The following SEMA4B variants were observed in gnomAD, a reference collection of about 807,000 sequenced individuals.
The protein encoded by SEMA4B is semaphorin-4B.
In SEMA4B, 55 loss-of-function variants were observed where a neutral mutation model predicts 88.1. The ratio of observed to expected loss-of-function variants is 0.62; its 90% confidence interval spans 0.50 to 0.78. The LOEUF is 0.78. Ranked by LOEUF, SEMA4B falls within the 30% of genes least tolerant of loss-of-function variation. SEMA4B has a pLI of 0.00. For synonymous variants in SEMA4B, 525 were observed against 473.6 expected, an observed-to-expected ratio of 1.11 and a Z score of -1.41; for missense variants, 1,062 against 1,111.9, an observed-to-expected ratio of 0.96 and a Z score of 0.64.
At chr15:90,199,107 C>G (rs542086033), upstream of SEMA4B, among the ~76,000 whole-genome samples, 1 of 152,204 alleles carries the variant, frequency 6.6e-6, no homozygotes, top group African/African-American at 2.4e-5. Flanking sequence ...CTCCTGACCT[C>G]AAGTGATCTG....
chr15:90,194,975 A>C (rs1301605994), intron 1 of SEMA4B, among the ~76,000 whole-genome samples: 3 of 152,198 alleles, frequency 2.0e-5, no homozygotes, highest in African/African-American at 7.2e-5. Flanking sequence ...ATCATAGCTA[A>C]AAAAATGAAG....
chr15:90,187,570 T>C (rs1960202038), intron 1 of SEMA4B, among the ~76,000 whole-genome samples: 1 of 152,054 alleles, frequency 6.6e-6, no homozygotes, highest in South Asian at 2.1e-4. Context: ...CTGAGCAGAG[T>C]GCAGAGGGAA....
At position 90,225,748 on chromosome 15, in the gene SEMA4B, C is replaced by T; in HGVS notation, c.1609C>T (p.Leu537Phe). ...SLYRSCGDCL[L>F]ARDPYCAWSG... is the part of the protein sequence containing the mutation. Reference sequence around the variant, plus strand: ...GTACAGGAGCTGTGGGGACTGCCTCCTCGCCCGGGACCCCTACTGTGCTTG... The same window carrying T: ...GTACAGGAGCTGTGGGGACTGCCTCTTCGCCCGGGACCCCTACTGTGCTTG... The change falls in exon 12 of 14, where the codon CTC becomes TTC. Residue 537 changes from leucine to phenylalanine, a missense_variant. Leu to Phe is a conservative substitution (Grantham distance 22, BLOSUM62 0). Coordinates refer to ENST00000411539, the MANE Select transcript of SEMA4B (RefSeq NM_198925.4). 6.3e-7 allele frequency: 1 copy of T among 1,576,750 alleles called. No homozygotes were observed. The highest frequency in any genetic ancestry group is 8.6e-7 in the Non-Finnish European group (1 of 1,162,750).
rs1050662516 is a variant in SEMA4B at position 90,212,986 on chromosome 15, G to A, written c.158-4453G>A. Among the ~76,000 whole-genome samples, 1 of 152,192 alleles carries A rather than the reference G, an allele frequency of 6.6e-6. No homozygotes were observed. The highest frequency in any genetic ancestry group is 2.4e-5 in the African/African-American group (1 of 41,446). On this transcript the variant is annotated intron_variant, in intron 1 of 13. Coordinates refer to ENST00000411539, the MANE Select transcript of SEMA4B (RefSeq NM_198925.4). This position sits in a 1 kb window ranked among gnomAD's most constrained non-coding sequence, Gnocchi z 4.0. The stretch of plus-strand genomic sequence containing the variant: ...AGCTCTCACCGGGCCGGATTTTCCT[G>A]CGGGGCTTTTGGATTTTGTTTTTGA...
chr15:90,208,771 G>A (rs1332473667), intron 1 of SEMA4B, among the ~76,000 whole-genome samples: 1 of 147,766 alleles, frequency 6.8e-6, no homozygotes, highest in Non-Finnish European at 1.5e-5. Flanking sequence ...TTTTGAGATG[G>A]GGTCTCACTC....
At chr15:90,187,894 A>C (rs551172527) in intron 1 of SEMA4B, among the ~76,000 whole-genome samples, 6 of 151,898 alleles carry the variant, frequency 4.0e-5, no homozygotes, top group African/African-American at 1.4e-4. Context: ...AATCCCAGCT[A>C]CTCAGGAGGC....
intron 3 of SEMA4B, among the ~76,000 whole-genome samples, chr15:90,218,449 G>A (rs796283460): frequency 1.1e-4 from 16 of 152,338 alleles, no homozygotes; most frequent in African/African-American, 3.8e-4. Flanking sequence ...CATTGATGAA[G>A]CATGCACTCT....
rs757799983 is a variant in SEMA4B at position 90,225,189 on chromosome 15, G to A, written c.1405+11G>A. On this transcript the variant is annotated intron_variant, in intron 10 of 13. Transcript: ENST00000411539. Reference sequence around the variant, plus strand: ...TCTTCCTGGGCACTGGTAAGTGTCTGCAGCCCAGCAGGCTCAGGGGAAGGG... The same window carrying A: ...TCTTCCTGGGCACTGGTAAGTGTCTACAGCCCAGCAGGCTCAGGGGAAGGG... The A allele has an allele frequency of 8.9e-6, 14 of 1,581,620 alleles. No individual in the cohort carries two copies. In the South Asian group the frequency reaches 1.1e-4, roughly 13 times the overall value.
rs958172366 is a variant in SEMA4B at position 90,214,231 on chromosome 15, C to A, written c.158-3208C>A. Among the ~76,000 whole-genome samples, 8 of 151,652 alleles carry A rather than the reference C, an allele frequency of 5.3e-5. 1 individual carries two copies. The highest frequency in any genetic ancestry group is 1.3e-4 in the Admixed American group (2 of 15,220). The stretch of plus-strand genomic sequence containing the variant: ...TGGTGGCAGGCACCTGTAATCCCAG[C>A]TTCTTGGGAGGCTGAGGCAGGAGAA... On this transcript the variant is annotated intron_variant, in intron 1 of 13. Coordinates refer to ENST00000411539, the MANE Select transcript of SEMA4B (RefSeq NM_198925.4).
intron 1 of SEMA4B, among the ~76,000 whole-genome samples, chr15:90,187,876 A>G (rs747696645): frequency 1.1e-4 from 16 of 151,986 alleles, no homozygotes; most frequent in Non-Finnish European, 2.2e-4. Flanking sequence ...ATGGTGGTGC[A>G]TGCCTGTAAT....
At chr15:90,196,411 G>A (rs939176952), upstream of SEMA4B, among the ~76,000 whole-genome samples, 9 of 152,030 alleles carry the variant, frequency 5.9e-5, no homozygotes, top group South Asian at 2.1e-4. Context: ...ATATAGTTTC[G>A]TAACAATCTT....
At chr15:90,220,729 G>A (rs13380179) in intron 4 of SEMA4B, among the ~76,000 whole-genome samples, 24,996 of 151,974 alleles carry the variant, frequency 0.16, 2,858 homozygotes, top group East Asian at 0.63. Context: ...AATGTGTCCC[G>A]CGTCGGGTCA....
chr15:90,196,567 A>G (rs1022531418), upstream of SEMA4B, among the ~76,000 whole-genome samples: 3 of 151,912 alleles, frequency 2.0e-5, no homozygotes, highest in Non-Finnish European at 4.4e-5. Flanking sequence ...GATCACTGCA[A>G]CCTCCGCCTC....
At chr15:90,198,209 G>A (rs535786138), upstream of SEMA4B, among the ~76,000 whole-genome samples, 2 of 152,150 alleles carry the variant, frequency 1.3e-5, no homozygotes, top group African/African-American at 2.4e-5. Context: ...GAGCCACCGC[G>A]CCTGGCTGGT....
At chr15:90,185,132 C>A in intron 1 of SEMA4B, 1 of 931,362 alleles carries the variant, frequency 1.1e-6, no homozygotes, top group Non-Finnish European at 1.3e-6. Flanking sequence ...CGGGAGGTGG[C>A]GGACCAGGCG....
intron 3 of SEMA4B, 72 bp from the exon 4 acceptor site, chr15:90,219,721 G>T (rs1330892015): frequency 9.1e-6 from 11 of 1,207,654 alleles, no homozygotes; most frequent in South Asian, 5.4e-5. Context: ...GGTGTGGAAG[G>T]GGGGGCTCGG....
rs200458808 is a variant in SEMA4B at position 90,228,160 on chromosome 15, C to T, written c.2031C>T (p.Asp677=). 5.1e-5 allele frequency: 82 copies of T among 1,610,370 alleles called. No homozygotes were observed. Among genetic ancestry groups the T allele is most frequent in the African/African-American group, 2.4e-4 (18 of 74,974 alleles). Reference sequence around the variant, plus strand: ...GCTACTGCCCAGAGGTGGTGGAGGACGGGGTGGCAGACCAAACAGATGAGG... The same window carrying T: ...GCTACTGCCCAGAGGTGGTGGAGGATGGGGTGGCAGACCAAACAGATGAGG... ...VASYCPEVVE[D]GVADQTDEGG... Residue 677 remains aspartate (D), a synonymous_variant, in exon 14 of 14, where the codon GAC becomes GAT. Coordinates refer to ENST00000411539, the MANE Select transcript of SEMA4B (RefSeq NM_198925.4).
chr15:90,220,674 C>T (rs1961778268), intron 4 of SEMA4B, among the ~76,000 whole-genome samples: 2 of 152,070 alleles, frequency 1.3e-5, no homozygotes, highest in Admixed American at 1.3e-4. Context: ...CGGCCAGGCT[C>T]ACATCATTTT....
At chr15:90,201,818 A>G in intron 1 of SEMA4B, 83 bp downstream of exon 1, 1 of 1,280,570 alleles carries the variant, frequency 7.8e-7, no homozygotes, top group Non-Finnish European at 1.0e-6. Flanking sequence ...GCCGTGACAA[A>G]GGACCAAGGA....
Sources: allele counts gnomAD v4.1 joint callset (sites outside exome capture counted in the v4.1 genomes callset), GRCh38; gene constraint gnomAD v4.1.1; non-coding constraint Gnocchi (gnomAD v3.1); transcripts MANE v1.5; gene names NCBI Gene and HGNC (gene_info 2026-07-23, HGNC 2026-07-21).